DPP6: variants seen among roughly 807,000 people sequenced by gnomAD.
The protein encoded by DPP6 is dipeptidyl peptidase like 6.
DPP6 carries 69 observed loss-of-function variants against 122.6 expected under a neutral mutation model. The ratio of observed to expected loss-of-function variants is 0.56; its 90% confidence interval spans 0.46 to 0.69. The LOEUF is 0.69. Among genes scored for constraint, DPP6 ranks in the 30% least tolerant of loss-of-function variants. DPP6 has a pLI of 0.00. For synonymous variants in DPP6, 418 were observed against 433.1 expected (o/e 0.97, Z 0.43); for missense variants, 928 against 1,116.9 (o/e 0.83, Z 2.41).
At chr7:154,230,199 T>C (rs896568409) in intron 1 of DPP6, among the ~76,000 whole-genome samples, 24 of 152,066 alleles carry the variant, frequency 1.6e-4, no homozygotes, top group African/African-American at 5.6e-4. Flanking sequence ...GATCTGATGG[T>C]ATGCACGAAG....
intron 1 of DPP6, among the ~76,000 whole-genome samples, chr7:153,954,463 C>G (rs1188344963): frequency 6.6e-6 from 1 of 152,108 alleles, no homozygotes; most frequent in Non-Finnish European, 1.5e-5. Context: ...TTTTTGGAGA[C>G]GGTTTACCAG....
intron 1 of DPP6, among the ~76,000 whole-genome samples, chr7:154,211,820 C>T (rs1799757499): frequency 6.6e-6 from 1 of 152,184 alleles, no homozygotes; most frequent in African/African-American, 2.4e-5. Flanking sequence ...AAACCCCAGG[C>T]TTCCACCTGC....
At chr7:154,202,304 A>G (rs1351689805) in intron 1 of DPP6, among the ~76,000 whole-genome samples, 1 of 152,192 alleles carries the variant, frequency 6.6e-6, no homozygotes. Context: ...AAATAGATCC[A>G]TTGGAGGAGT....
At chr7:153,824,386 C>CAA in the DPP6 span, among the ~76,000 whole-genome samples, 23,235 of 79,138 alleles carry the variant, frequency 0.29, 4,387 homozygotes, top group African/African-American at 0.48. Context: ...GAGTCTGTCT[C>CAA]AAAAAAAAAA....
At chr7:154,744,334 C>T (rs963322154) in intron 8 of DPP6, among the ~76,000 whole-genome samples, 4 of 152,160 alleles carry the variant, frequency 2.6e-5, no homozygotes, top group Admixed American at 2.6e-4. Context: ...AAAATCTGAG[C>T]GATCAAGGCA....
At chr7:154,586,962 A>G (rs1832494674) in intron 5 of DPP6, among the ~76,000 whole-genome samples, 2 of 152,228 alleles carry the variant, frequency 1.3e-5, no homozygotes, top group Non-Finnish European at 2.9e-5. Context: ...TGATCAGCAA[A>G]TATTCGTTGG....
the DPP6 span, among the ~76,000 whole-genome samples, chr7:153,847,059 A>G: frequency 6.6e-6 from 1 of 152,174 alleles, no homozygotes; most frequent in Non-Finnish European, 1.5e-5. Flanking sequence ...TTTATCTTCA[A>G]GTCTATAGAC....
intron 1 of DPP6, among the ~76,000 whole-genome samples, chr7:153,889,680 A>G (rs1799102683): frequency 6.6e-6 from 1 of 152,358 alleles, no homozygotes; most frequent in African/African-American, 2.4e-5. Context: ...TCTGCTCTGA[A>G]TAAGGATATT....
intron 1 of DPP6, among the ~76,000 whole-genome samples, chr7:154,342,984 G>A (rs1585999833): frequency 6.6e-6 from 1 of 152,202 alleles, no homozygotes; most frequent in Non-Finnish European, 1.5e-5. Context: ...ATATTGATGT[G>A]CCTCACTTGA....
At chr7:154,522,986 G>A (rs913478749) in intron 3 of DPP6, among the ~76,000 whole-genome samples, 1 of 152,162 alleles carries the variant, frequency 6.6e-6, no homozygotes. Context: ...GGCGGGGATC[G>A]CCTTCCTGAT....
intron 1 of DPP6, among the ~76,000 whole-genome samples, chr7:154,156,158 G>T (rs1170558025): frequency 2.0e-5 from 3 of 152,226 alleles, no homozygotes; most frequent in Non-Finnish European, 2.9e-5. Flanking sequence ...TGCACCTACA[G>T]GGTCATCCCG....
At chr7:154,264,406 G>T (rs1325042636) in intron 1 of DPP6, among the ~76,000 whole-genome samples, 1 of 151,994 alleles carries the variant, frequency 6.6e-6, no homozygotes, top group Non-Finnish European at 1.5e-5. Flanking sequence ...AGTCACAAAG[G>T]CTTGAGTTTA....
At chr7:154,732,053 T>C (rs1842364537) in intron 8 of DPP6, among the ~76,000 whole-genome samples, 1 of 152,146 alleles carries the variant, frequency 6.6e-6, no homozygotes, top group Non-Finnish European at 1.5e-5. Context: ...TTGTTTTTTT[T>C]TTTGAGATGG....
intron 1 of DPP6, among the ~76,000 whole-genome samples, chr7:154,190,695 G>A (rs1173262314): frequency 6.6e-6 from 1 of 152,104 alleles, no homozygotes; most frequent in Non-Finnish European, 1.5e-5. Context: ...TGAGCTAGGA[G>A]GAGAGAACTA....
intron 5 of DPP6, among the ~76,000 whole-genome samples, chr7:154,598,099 G>GA (rs530969364): frequency 1.2e-4 from 18 of 151,586 alleles, no homozygotes; most frequent in East Asian, 1.9e-4. Flanking sequence ...AAACAGTTAA[G>GA]AAAAAAAAGA....
chr7:154,077,136 G>C lies in DPP6; in HGVS notation c.243+24073G>C, dbSNP rs571381437. Among the ~76,000 whole-genome samples, 648 of 152,234 alleles carry C rather than the reference G, an allele frequency of 4.3e-3. 7 individuals are homozygous for C. The highest frequency in any genetic ancestry group is 0.014 in the African/African-American group (597 of 41,542). On this transcript the variant is annotated intron_variant, in intron 1 of 25. Transcript: ENST00000377770. ...CACTAAAAATAATGTTTGCTTCTAA[G>C]AATGTTCCTATTTGACTAAGGTGAT...
intron 16 of DPP6, among the ~76,000 whole-genome samples, chr7:154,843,679 T>A (rs1801732675): frequency 6.6e-6 from 1 of 152,248 alleles, no homozygotes; most frequent in Non-Finnish European, 1.5e-5. Flanking sequence ...GCTGTTGTTT[T>A]TGCTGAAGCT....
intron 6 of DPP6, among the ~76,000 whole-genome samples, chr7:154,666,200 T>TATATACAC (rs1302353081): frequency 2.0e-5 from 2 of 102,504 alleles, no homozygotes; most frequent in African/African-American, 6.0e-5. Context: ...TATATATATA[T>TATATACAC]ACACATATAC....
intron 1 of DPP6, among the ~76,000 whole-genome samples, chr7:154,005,198 C>T (rs1297042312): frequency 6.6e-6 from 1 of 152,208 alleles, no homozygotes; most frequent in African/African-American, 2.4e-5. Flanking sequence ...ATCTTGGAGA[C>T]CTTTCATCAT....
Sources: gnomAD v4.1 joint callset for allele counts (sites outside exome capture counted in the v4.1 genomes callset) on GRCh38, gnomAD v4.1.1 for gene constraint, MANE v1.5 for transcripts, NCBI Gene and HGNC (gene_info 2026-07-23, HGNC 2026-07-21) for gene names.